Variants in ISOC1 observed in about 807,000 individuals in gnomAD.
The protein encoded by ISOC1 is isochorismatase domain containing 1.
A neutral mutation model predicts 30.0 loss-of-function variants in ISOC1; 33 were observed. The observed-to-expected ratio is 1.10, with a 90% confidence interval of 0.83 to 1.47. The LOEUF is 1.47. Among genes scored for constraint, ISOC1 ranks in the 40% most tolerant of loss-of-function variants. The pLI is 0.00. For synonymous variants in ISOC1, 178 were observed against 159.8 expected, an observed-to-expected ratio of 1.11 and a Z score of -0.86; for missense variants, 372 against 388.0, an observed-to-expected ratio of 0.96 and a Z score of 0.35.
At chr5:129,102,315 CTT>C (rs1356972718) in intron 1 of ISOC1, among the ~76,000 whole-genome samples, 2 of 152,130 alleles carry the variant, frequency 1.3e-5, no homozygotes, top group Non-Finnish European at 1.5e-5. Flanking sequence ...TCTATGGTTT[CTT>C]TGTTTACTGA....
Position 129,106,930 on chromosome 5 carries a change from T to C in ISOC1, c.634-16T>C. 6.4e-7 allele frequency: 1 copy of C among 1,561,240 alleles called. No individual in the cohort carries two copies. Among genetic ancestry groups the C allele is most frequent in the African/African-American group, 1.4e-5 (1 of 73,932 alleles). On this transcript the variant is annotated splice_polypyrimidine_tract_variant and intron_variant, in intron 3 of 4. Coordinates refer to ENST00000173527, the MANE Select transcript of ISOC1 (RefSeq NM_016048.2). ...TTATTATGTTATTACATATGATTCTTGTACTTTCCTACTAGACTCATGTGT... is the reference window on the plus strand; with the variant it reads ...TTATTATGTTATTACATATGATTCTCGTACTTTCCTACTAGACTCATGTGT...
chr5:129,106,878 G>C, intron 3 of ISOC1, 68 bp from the exon 4 acceptor site: 1 of 1,082,454 alleles, frequency 9.2e-7, no homozygotes, highest in African/African-American at 1.6e-5. Flanking sequence ...TTATCATGTT[G>C]TTGTACATTT....
intron 4 of ISOC1, among the ~76,000 whole-genome samples, chr5:129,111,644 A>T (rs934602117): frequency 6.6e-6 from 1 of 151,870 alleles, no homozygotes; most frequent in African/African-American, 2.4e-5. Context: ...GGGATTTCTG[A>T]TAACACATAA....
At position 129,095,034 on chromosome 5, in the gene ISOC1, A is replaced by G. The variant is rs1371332498; in HGVS notation, c.268A>G (p.Ser90Gly). ...YVDLPKGFAV[S>G]ERCKVRLVPL... ...GGACTTGCCCAAGGGCTTCGCGGTGAGCGAGCGCTGCAAGGTGCGCCTCGT... is the reference window on the plus strand; with the variant it reads ...GGACTTGCCCAAGGGCTTCGCGGTGGGCGAGCGCTGCAAGGTGCGCCTCGT... The change falls in exon 1 of 5, where the codon AGC becomes GGC. Residue 90 changes from serine to glycine, a missense_variant. By Grantham distance (56) the Ser-to-Gly change is moderately conservative. Transcript: ENST00000173527. 8 of 1,596,390 alleles carry G rather than the reference A, an allele frequency of 5.0e-6. No homozygotes were observed. The highest frequency in any genetic ancestry group is 1.7e-4 in the Middle Eastern group (1 of 5,844).
chr5:129,112,892 AG>A lies in ISOC1; in HGVS notation c.790del (p.Ala264LeufsTer7). On this transcript the variant is annotated frameshift_variant, in exon 5 of 5. Transcript: ENST00000173527. LOFTEE classifies it high-confidence loss of function. ...ACCGGGATCATAGTGACCACGAGTG[AG>A]GCTGTTCTGCTTCAGCTGGTAGCTG... Reference protein sequence around the residue: ...ARTGIIVTTSEAVLLQLVADK... With the variant: ...ARTGIIVTTSXAVLLQLVADK... 6.2e-7 allele frequency: 1 copy of A among 1,613,790 alleles called. No individual in the cohort carries two copies. The highest frequency in any genetic ancestry group is 8.5e-7 in the Non-Finnish European group (1 of 1,179,784).
chr5:129,094,826 G>T lies in ISOC1; in HGVS notation c.60G>T (p.Gly20=). The part of the protein sequence containing the change: ...ALPNSGAGGA[G]APSGTVPVLF... ...CCAACAGCGGCGCCGGGGGCGCGGG[G>T]GCGCCGTCGGGCACAGTCCCGGTGC... The change falls in exon 1 of 5, where the codon GGG becomes GGT. Residue 20 remains glycine (G), a synonymous_variant. Transcript: ENST00000173527. 1 of 1,543,632 alleles carries T rather than the reference G, an allele frequency of 6.5e-7. No individual in the cohort carries two copies. The highest frequency in any genetic ancestry group is 8.7e-7 in the Non-Finnish European group (1 of 1,148,136).
At chr5:129,102,719 A>T (rs1440779569) in intron 1 of ISOC1, among the ~76,000 whole-genome samples, 1 of 152,088 alleles carries the variant, frequency 6.6e-6, no homozygotes, top group African/African-American at 2.4e-5. Flanking sequence ...GCATTATTTG[A>T]GTTTTGATCT....
intron 1 of ISOC1, 59 bp downstream of exon 1, chr5:129,095,134 CT>C: frequency 6.9e-7 from 1 of 1,447,562 alleles, no homozygotes; most frequent in Non-Finnish European, 9.1e-7. Flanking sequence ...GTCCCCGTCC[CT>C]GTCCCCGCCT....
chr5:129,107,172 C>A, intron 4 of ISOC1, 110 bp downstream of exon 4: 1 of 812,918 alleles, frequency 1.2e-6, no homozygotes, highest in Non-Finnish European at 2.1e-6. Context: ...TTGAGTTGGT[C>A]TGGCAATATC....
chr5:129,099,317 TAAG>T (rs970579322), intron 1 of ISOC1, among the ~76,000 whole-genome samples: 1 of 152,140 alleles, frequency 6.6e-6, no homozygotes, highest in African/African-American at 2.4e-5. Context: ...GGCACAGTCT[TAAG>T]AAATCCTTCA....
chr5:129,101,593 G>A (rs1220620916), intron 1 of ISOC1, among the ~76,000 whole-genome samples: 1 of 152,148 alleles, frequency 6.6e-6, no homozygotes, highest in African/African-American at 2.4e-5. Context: ...CCTCCGAAGT[G>A]CTGGGATTAC....
intron 3 of ISOC1, among the ~76,000 whole-genome samples, chr5:129,106,318 A>T (rs1753637379): frequency 6.6e-6 from 1 of 152,228 alleles, no homozygotes. Flanking sequence ...CATTGGTTGT[A>T]ATACATGATT....
Position 129,101,192 on chromosome 5 carries a change from A to AATATATATATATATATAT in ISOC1, c.310-3748_310-3747insATATATATATATATATAT, listed in dbSNP as rs1554064628. Among the ~76,000 whole-genome samples, 18 of 42,236 alleles carry AATATATATATATATATAT rather than the reference A, an allele frequency of 4.3e-4. 1 individual carries two copies. The highest frequency in any genetic ancestry group is 2.6e-3 in the African/African-American group (14 of 5,454). The allele number at this position is 42,236 out of a possible 152,430, so 27.7% of individuals were successfully genotyped here. On this transcript the variant is annotated intron_variant, in intron 1 of 4. Transcript: ENST00000173527. ...AAAAAAAAAAAAAAAAAAAAAAAAA[A>AATATATATATATATATAT]ATATATATATATATATGGTTGGGTT... is the stretch of plus-strand genomic sequence containing the variant.
intron 1 of ISOC1, chr5:129,097,651 T>C (rs528219172): frequency 5.3e-5 from 8 of 152,194 alleles, no homozygotes; most frequent in African/African-American, 1.7e-4. Context: ...CAGAAGAACA[T>C]AGGGAGGTGG....
chr5:129,102,878 T>C (rs1753588368), intron 1 of ISOC1, among the ~76,000 whole-genome samples: 2 of 152,232 alleles, frequency 1.3e-5, no homozygotes, highest in African/African-American at 2.4e-5. Context: ...TAGGAATGTA[T>C]ACAGAGGTAG....
At chr5:129,097,700 G>T (rs533421468) in intron 1 of ISOC1, 3 of 151,394 alleles carry the variant, frequency 2.0e-5, no homozygotes, top group African/African-American at 7.3e-5. Context: ...GCAAGTCTCC[G>T]CATATGCCTG....
In ISOC1 at chr5:129,105,073, T is replaced by C; in HGVS notation, c.427T>C (p.Leu143=). The C allele has an allele frequency of 6.2e-7, 1 of 1,613,804 alleles. No homozygotes were observed. Among genetic ancestry groups the C allele is most frequent in the Middle Eastern group, 1.6e-4 (1 of 6,062 alleles). Reference sequence around the variant, plus strand: ...GGATATTATTAGCGTGGGACAGAGATTGGTATGCTTGTTTACTTATTTGGT... The same window carrying C: ...GGATATTATTAGCGTGGGACAGAGACTGGTATGCTTGTTTACTTATTTGGT... ...FGDIISVGQR[L]LQGARILGIP... The change falls in exon 2 of 5, where the codon TTG becomes CTG. Residue 143 remains leucine, a splice_region_variant and synonymous_variant. Transcript: ENST00000173527.
intron 1 of ISOC1, among the ~76,000 whole-genome samples, chr5:129,100,924 C>T (rs997477891): frequency 6.7e-6 from 1 of 149,960 alleles, no homozygotes. Context: ...AAAAAAAAAA[C>T]TAACTTTTTA....
chr5:129,095,164 G>T (rs1342254499), intron 1 of ISOC1, 89 bp downstream of exon 1: 5 of 1,290,444 alleles, frequency 3.9e-6, no homozygotes, highest in Non-Finnish European at 5.1e-6. Flanking sequence ...CTCCTCAGGT[G>T]CCCCGAGCCG....
Sources: allele counts gnomAD v4.1 joint callset (sites outside exome capture counted in the v4.1 genomes callset), GRCh38; gene constraint gnomAD v4.1.1; transcripts MANE v1.5; gene names NCBI Gene and HGNC (gene_info 2026-07-23, HGNC 2026-07-21).